Variants in MCRS1 observed in about 807,000 individuals in gnomAD.
MCRS1 encodes microspherule protein 1.
MCRS1 carries 22 observed loss-of-function variants against 62.9 expected under a neutral mutation model. The ratio of observed to expected loss-of-function variants is 0.35; its 90% CI spans 0.25 to 0.50. The LOEUF is 0.50. Ranked by LOEUF, MCRS1 falls within the 20% of genes least tolerant of loss-of-function variation. MCRS1 has a pLI of 0.98. For synonymous variants in MCRS1, 244 were observed against 233.5 expected, an observed-to-expected ratio of 1.04 and a Z score of -0.41; for missense variants, 456 against 601.1, an observed-to-expected ratio of 0.76 and a Z score of 2.52.
chr12:49,559,385 A>G lies in MCRS1; in HGVS notation c.1086+68T>C. 1 of 1,609,596 alleles carries G rather than the reference A, an allele frequency of 6.2e-7. No individual in the cohort carries two copies. Among genetic ancestry groups the G allele is most frequent in the East Asian group, 2.2e-5 (1 of 44,848 alleles). ...CAGGCCAGAGAAAGATGGGAAACCA[A>G]GGACTACGCAGAGAAAGGCACTGAC... On this transcript the variant is annotated intron_variant, in intron 12 of 14. Transcript: ENST00000343810. The surrounding 1 kb of genome is among the most constrained non-coding windows in gnomAD (Gnocchi z 5.2).
chr12:49,562,953 C>A (rs560150541), intron 8 of MCRS1, 48 bp downstream of exon 8: 2 of 1,560,868 alleles, frequency 1.3e-6, no homozygotes, highest in Non-Finnish European at 8.7e-7. Flanking sequence ...GACACACACA[C>A]ACATGCACGT....
At position 49,566,787 on chromosome 12, in the gene MCRS1, C is replaced by T; in HGVS notation, c.-56G>A. The T allele has an allele frequency of 6.2e-7, 1 of 1,604,406 alleles. No homozygotes were observed. Among genetic ancestry groups the T allele is most frequent in the Non-Finnish European group, 8.5e-7 (1 of 1,174,266 alleles). The stretch of plus-strand genomic sequence containing the variant: ...AACCACCGGGCTAGGAGGAACGGTC[C>T]CACAGGCTCATCCAAGGATTCTGAC... On this transcript the variant is annotated 5_prime_UTR_variant, in exon 2 of 15. It introduces an in-frame stop codon into an upstream open reading frame of the 5' UTR. Transcript: ENST00000343810.
Position 49,558,873 on chromosome 12 carries a change from T to A in MCRS1, c.1272A>T (p.Lys424Asn). The change falls in exon 14 of 15, where the codon AAA becomes AAT. Residue 424 changes from lysine to asparagine, a missense_variant. Around this residue, in one of 3 missense-constraint regions of MCRS1, gnomAD observed 393 missense variants for 523.5 expected, o/e 0.75. Transcript: ENST00000343810. The stretch of plus-strand genomic sequence containing the variant: ...CCACAGAGTTGTTGCTGAGGCGCCA[T>A]TTGGAGCCACAGAGCACCGGCCGTC... Reference protein sequence around the residue: ...IDGRPVLCGSKWRLSNNSVVE... With the variant: ...IDGRPVLCGSNWRLSNNSVVE... The A allele has an allele frequency of 6.2e-7, 1 of 1,613,070 alleles. No homozygotes were observed. The highest frequency in any genetic ancestry group is 1.1e-5 in the South Asian group (1 of 91,080).
At chr12:49,567,842 A>AC (rs1308566923) in intron 1 of MCRS1, 1 of 151,762 alleles carries the variant, frequency 6.6e-6, no homozygotes, top group African/African-American at 2.4e-5. Context: ...GCCCATTCTC[A>AC]CCCCACGGTC....
chr12:49,565,266 G>A (rs1938995731), intron 4 of MCRS1: 1 of 985,306 alleles, frequency 1.0e-6, no homozygotes, highest in South Asian at 4.7e-5. Flanking sequence ...CAGGCTGTCT[G>A]CTCCCAGAAT....
At chr12:49,565,419 T>C in intron 4 of MCRS1, 110 bp downstream of exon 4, 7 of 1,514,550 alleles carry the variant, frequency 4.6e-6, no homozygotes, top group Non-Finnish European at 6.2e-6. Context: ...CTGGGGCAGC[T>C]TGGTCCTCTC....
At chr12:49,565,703 C>G (rs1021974549) in intron 3 of MCRS1, 36 bp from the exon 4 acceptor site, 1 of 1,613,842 alleles carries the variant, frequency 6.2e-7, no homozygotes, top group Non-Finnish European at 8.5e-7. Context: ...ACTCCTTACC[C>G]CACCCTGGTA....
chr12:49,566,317 C>T lies in MCRS1; in HGVS notation c.11-102G>A, dbSNP rs530576030. Reference sequence around the variant, plus strand: ...CTTCCCCTGCCAGCCCTCTTGGCCCCTCCCCTGCCTCCTTGACACTTGAGG... The same window carrying T: ...CTTCCCCTGCCAGCCCTCTTGGCCCTTCCCCTGCCTCCTTGACACTTGAGG... On this transcript the variant is annotated intron_variant, in intron 2 of 14. Transcript: ENST00000343810. 15 of 1,561,080 alleles carry T rather than the reference C, an allele frequency of 9.6e-6. No homozygotes were observed. In the African/African-American group the frequency reaches 2.0e-4, roughly 21 times the overall value.
Position 49,564,597 on chromosome 12 carries a change from G to C in MCRS1, c.448-7C>G, listed in dbSNP as rs1353167172. Reference sequence around the variant, plus strand: ...CGGAGGTCAGGTCGTTGGTCTGCAAGGCCCCAGAAGGATTTGCTCCAGCCT... The same window carrying C: ...CGGAGGTCAGGTCGTTGGTCTGCAACGCCCCAGAAGGATTTGCTCCAGCCT... On this transcript the variant is annotated splice_region_variant and splice_polypyrimidine_tract_variant and intron_variant, in intron 5 of 14. Transcript: ENST00000343810. The C allele has an allele frequency of 2.5e-6, 4 of 1,608,626 alleles. No homozygotes were observed. Among genetic ancestry groups the C allele is most frequent in the Non-Finnish European group, 3.4e-6 (4 of 1,177,496 alleles).
chr12:49,565,204 G>A, intron 4 of MCRS1: 3 of 985,378 alleles, frequency 3.0e-6, no homozygotes, highest in Non-Finnish European at 3.6e-6. Context: ...CAGTGTCTAG[G>A]GCCACAGCAA....
chr12:49,561,196 C>G (rs904372493), intron 8 of MCRS1, among the ~76,000 whole-genome samples: 1 of 152,148 alleles, frequency 6.6e-6, no homozygotes, highest in Non-Finnish European at 1.5e-5. Context: ...TGTCTCTTAA[C>G]AAAAATTTAA....
chr12:49,564,306 A>T (rs987953258), intron 6 of MCRS1, among the ~76,000 whole-genome samples, 175 bp downstream of exon 6: 10 of 152,178 alleles, frequency 6.6e-5, no homozygotes, highest in African/African-American at 1.9e-4. Flanking sequence ...CCTTGCCTGG[A>T]GGCAGGAAGA....
chr12:49,567,350 T>C (rs1939116451), intron 1 of MCRS1, among the ~76,000 whole-genome samples: 2 of 151,934 alleles, frequency 1.3e-5, no homozygotes, highest in Non-Finnish European at 2.9e-5. Context: ...GGTATTTCCA[T>C]GAGATACCAT....
intron 5 of MCRS1, 47 bp downstream of exon 5, chr12:49,564,690 G>A (rs1938959730): frequency 3.1e-6 from 5 of 1,601,978 alleles, no homozygotes; most frequent in Non-Finnish European, 3.4e-6. Flanking sequence ...GGTGCGAACT[G>A]GAGGTTGGGG....
Position 49,559,055 on chromosome 12 carries a change from C to T in MCRS1, c.1175-85G>A. On this transcript the variant is annotated intron_variant, in intron 13 of 14. Coordinates refer to ENST00000343810, the MANE Select transcript of MCRS1 (RefSeq NM_006337.5). The surrounding 1 kb of genome is among the most constrained non-coding windows in gnomAD (Gnocchi z 5.2). ...AAGGCCAGAGAGAGCCAGGAGCTTC[C>T]ATGGACCAGCTCTGCTTCCTGCAGA... The T allele has an allele frequency of 6.3e-7, 1 of 1,579,680 alleles. No individual in the cohort carries two copies. The highest frequency in any genetic ancestry group is 1.1e-5 in the South Asian group (1 of 89,318).
intron 2 of MCRS1, 113 bp downstream of exon 2, chr12:49,566,609 G>T: frequency 6.5e-7 from 1 of 1,536,730 alleles, no homozygotes; most frequent in Non-Finnish European, 8.9e-7. Context: ...GCTGGCCCAG[G>T]GGGAGGTGGC....
In MCRS1 at chr12:49,560,383, C is replaced by G. The variant is rs1213097055; in HGVS notation, c.806-13G>C. ...GGCAGCGGCTGCACTGAACAAAGGACAGAGAAAGCGTGAGCACCAAGGGTC... is the reference window on the plus strand; with the variant it reads ...GGCAGCGGCTGCACTGAACAAAGGAGAGAGAAAGCGTGAGCACCAAGGGTC... On this transcript the variant is annotated splice_polypyrimidine_tract_variant and intron_variant, in intron 8 of 14. Coordinates refer to ENST00000343810, the MANE Select transcript of MCRS1 (RefSeq NM_006337.5). The G allele has an allele frequency of 3.1e-6, 5 of 1,613,682 alleles. No individual in the cohort carries two copies. The highest frequency in any genetic ancestry group is 4.2e-6 in the Non-Finnish European group (5 of 1,179,668).
At chr12:49,560,099 C>CT in intron 9 of MCRS1, 132 bp from the exon 10 acceptor site, 1 of 1,337,416 alleles carries the variant, frequency 7.5e-7, no homozygotes, top group South Asian at 1.2e-5. Flanking sequence ...GCCCAGCCTC[C>CT]TTCTCTGGGG....
Position 49,566,717 on chromosome 12 carries a change from A to G in MCRS1, c.10+5T>C. On this transcript the variant is annotated splice_donor_5th_base_variant and intron_variant, in intron 2 of 14. Transcript: ENST00000343810. The stretch of plus-strand genomic sequence containing the variant: ...ATTTGGGGAGCTGTCCCGGCCTCAT[A>G]CTACCTTTGTCCATCCTCTTACAGT... 2.5e-6 allele frequency: 4 copies of G among 1,613,364 alleles called. No individual in the cohort carries two copies. The highest frequency in any genetic ancestry group is 2.5e-6 in the Non-Finnish European group (3 of 1,179,664).
Sources: allele counts gnomAD v4.1 joint callset (sites outside exome capture counted in the v4.1 genomes callset), GRCh38; gene constraint gnomAD v4.1.1; regional missense constraint gnomAD v4.1.1; non-coding constraint Gnocchi (gnomAD v3.1); transcripts MANE v1.5; gene names NCBI Gene and HGNC (gene_info 2026-07-23, HGNC 2026-07-21).